Variants in FHIT observed in about 807,000 individuals in gnomAD.
FHIT encodes the protein bis(5'-adenosyl)-triphosphatase.
In FHIT, 19 loss-of-function variants were observed where a neutral mutation model predicts 17.9. That is an observed-to-expected ratio of 1.06 (90% CI 0.74 to 1.56). The LOEUF (loss-of-function observed/expected upper bound fraction) is 1.56. FHIT is among the 40% of genes most tolerant of loss of function. The pLI, the probability that FHIT is intolerant of heterozygous loss-of-function variation, is 0.00. For missense variants in FHIT, 248 were observed against 189.2 expected (o/e 1.31, Z -1.82); for synonymous variants, 81 against 69.7 (o/e 1.16, Z -0.81).
intron 5 of FHIT, among the ~76,000 whole-genome samples, chr3:60,215,037 C>A (rs1185336805): frequency 6.6e-6 from 1 of 151,940 alleles, no homozygotes; most frequent in African/African-American, 2.4e-5. Flanking sequence ...TGAGGAGGGG[C>A]ACATGGATTC....
intron 2 of FHIT, among the ~76,000 whole-genome samples, chr3:61,179,613 C>T (rs1469983167): frequency 5.5e-5 from 8 of 144,446 alleles, no homozygotes; most frequent in East Asian, 2.1e-4. Flanking sequence ...GAGGCTAAGA[C>T]GGGAGGATCA....
intron 7 of FHIT, among the ~76,000 whole-genome samples, chr3:59,996,399 G>T (rs761238591): frequency 6.6e-6 from 1 of 152,046 alleles, no homozygotes; most frequent in African/African-American, 2.4e-5. Flanking sequence ...TTAGTTGGAA[G>T]ATAACAAGTC....
intron 5 of FHIT, among the ~76,000 whole-genome samples, chr3:60,479,381 C>T (rs1350729641): frequency 6.6e-6 from 1 of 152,096 alleles, no homozygotes; most frequent in Non-Finnish European, 1.5e-5. Context: ...TATATACAGT[C>T]ATGCACCACG....
intron 5 of FHIT, among the ~76,000 whole-genome samples, chr3:60,248,900 A>G (rs912636160): frequency 4.6e-5 from 7 of 152,158 alleles, no homozygotes; most frequent in African/African-American, 1.7e-4. Context: ...ATCATCAAGG[A>G]TGAAAAGGTG....
chr3:60,401,745 T>C (rs983585125), intron 5 of FHIT, among the ~76,000 whole-genome samples: 3 of 152,202 alleles, frequency 2.0e-5, no homozygotes, highest in Admixed American at 6.5e-5. Context: ...TAAGTCAAAT[T>C]TGAACATTCC....
intron 1 of FHIT, among the ~76,000 whole-genome samples, chr3:61,230,262 T>G (rs1253558677): frequency 6.6e-6 from 1 of 152,178 alleles, no homozygotes; most frequent in Non-Finnish European, 1.5e-5. Flanking sequence ...GGATTTTTCA[T>G]GAATGGTTTA....
At chr3:60,803,339 T>C (rs1701264075) in intron 4 of FHIT, among the ~76,000 whole-genome samples, 2 of 152,212 alleles carry the variant, frequency 1.3e-5, no homozygotes, top group Non-Finnish European at 2.9e-5. Context: ...AGTGCATTGG[T>C]AGCCAGCCGC....
chr3:60,284,676 C>T (rs776353295), intron 5 of FHIT, among the ~76,000 whole-genome samples: 5 of 151,960 alleles, frequency 3.3e-5, no homozygotes, highest in Non-Finnish European at 7.4e-5. Flanking sequence ...TTTTATGTAT[C>T]ATAATGTTTC....
intron 4 of FHIT, among the ~76,000 whole-genome samples, chr3:60,672,906 T>TGTGTGTGTGC (rs1454491586): frequency 2.4e-4 from 36 of 151,578 alleles, no homozygotes; most frequent in South Asian, 6.3e-4. Context: ...TGTGTGTGTG[T>TGTGTGTGTGC]GCATGCATGC....
At chr3:60,566,642 T>C (rs1168938251) in intron 4 of FHIT, among the ~76,000 whole-genome samples, 1 of 152,084 alleles carries the variant, frequency 6.6e-6, no homozygotes, top group Admixed American at 6.6e-5. Flanking sequence ...TAAAGGGCAT[T>C]CAGTTAAGAA....
At chr3:61,213,925 GA>G (rs1204893137) in intron 1 of FHIT, among the ~76,000 whole-genome samples, 4 of 152,118 alleles carry the variant, frequency 2.6e-5, no homozygotes, top group Non-Finnish European at 5.9e-5. Flanking sequence ...ATAACGAAAT[GA>G]AGGCAGAAAT....
intron 5 of FHIT, among the ~76,000 whole-genome samples, chr3:60,348,534 T>C (rs1042588306): frequency 1.3e-5 from 2 of 152,224 alleles, no homozygotes; most frequent in East Asian, 1.9e-4. Context: ...CTTTCCTTTT[T>C]TGAAAGAGCT....
intron 5 of FHIT, among the ~76,000 whole-genome samples, chr3:60,066,060 G>A (rs1702489238): frequency 6.6e-6 from 1 of 152,084 alleles, no homozygotes; most frequent in African/African-American, 2.4e-5. Context: ...CAGGGTTTCT[G>A]TTACATGCAG....
intron 5 of FHIT, among the ~76,000 whole-genome samples, chr3:60,130,780 G>GTATGTATATACACACATATA (rs1452178117): frequency 2.1e-3 from 5 of 2,402 alleles, no homozygotes; most frequent in African/African-American, 2.9e-3. Context: ...GTGTGTGTGT[G>GTATGTATATACACACATATA]TGTGGTGTGT....
chr3:60,258,027 T>C (rs1270136754), intron 5 of FHIT, among the ~76,000 whole-genome samples: 2 of 150,866 alleles, frequency 1.3e-5, no homozygotes, highest in Non-Finnish European at 2.9e-5. Flanking sequence ...CCTGCAATCC[T>C]GCACATGTAA....
intron 8 of FHIT, among the ~76,000 whole-genome samples, chr3:59,763,346 A>C (rs1366004932): frequency 6.6e-6 from 1 of 152,258 alleles, no homozygotes; most frequent in Non-Finnish European, 1.5e-5. Flanking sequence ...GGAGGCAAGC[A>C]CACAGCACGC....
intron 5 of FHIT, among the ~76,000 whole-genome samples, chr3:60,525,264 T>C (rs891059983): frequency 6.6e-6 from 1 of 152,194 alleles, no homozygotes; most frequent in Non-Finnish European, 1.5e-5. Flanking sequence ...GAACCTGATA[T>C]ACAGATCTTC....
rs1294920324 is a variant in FHIT, at chr3:60,859,598, T to A, written c.-110-37587A>T. Reference sequence around the variant, plus strand: ...TACTCCTCACTCTCCTTTTCCCTTCTCAGGCACCCTGAAGGCTACTTGTTA... The same window carrying A: ...TACTCCTCACTCTCCTTTTCCCTTCACAGGCACCCTGAAGGCTACTTGTTA... On this transcript the variant is annotated intron_variant, in intron 3 of 9. Coordinates refer to ENST00000492590, the MANE Select transcript of FHIT (RefSeq NM_002012.4). 4.0e-5 allele frequency among the ~76,000 whole-genome samples: 6 copies of A among 151,882 alleles called. No homozygotes were observed. In the East Asian group the frequency reaches 1.2e-3, roughly 29 times the overall value.
At chr3:60,000,664 C>G (rs80167594) in intron 7 of FHIT, among the ~76,000 whole-genome samples, 2,265 of 139,452 alleles carry the variant, frequency 0.016, 60 homozygotes, top group African/African-American at 0.056. Context: ...TCCTTCAAGT[C>G]TAGAAAAATG....
Sources: allele counts gnomAD v4.1 joint callset (sites outside exome capture counted in the v4.1 genomes callset), GRCh38; gene constraint gnomAD v4.1.1; transcripts MANE v1.5; gene names NCBI Gene and HGNC (gene_info 2026-07-23, HGNC 2026-07-21).